Variants in DMD observed in about 807,000 individuals in gnomAD.
The protein encoded by DMD is dystrophin.
In DMD, 63 loss-of-function variants were observed where a neutral mutation model predicts 330.1. That is an observed-to-expected ratio of 0.19 (90% CI 0.16 to 0.24). DMD has a LOEUF of 0.24. DMD is among the 10% of genes least tolerant of loss of function. DMD has a pLI of 1.00. For missense variants in DMD, 3,344 were observed against 2,684.1 expected (o/e 1.25, Z -5.43); for synonymous variants, 1,223 against 959.8 (o/e 1.27, Z -5.07).
intron 44 of DMD, among the ~76,000 whole-genome samples, chrX:32,010,047 T>C (rs28361493): frequency 1.3e-3 from 145 of 111,882 alleles, no homozygotes; most frequent in African/African-American, 4.3e-3. Flanking sequence ...ATGGGCATAA[T>C]AATGTTTGTC....
chrX:32,186,589 A>G (rs2096948820), intron 44 of DMD, among the ~76,000 whole-genome samples: 1 of 111,566 alleles, frequency 9.0e-6, no homozygotes, highest in South Asian at 3.6e-4. Context: ...CTAGTTTTCC[A>G]TTTGATTTGA....
At chrX:32,344,925 A>T (rs953069402) in intron 39 of DMD, among the ~76,000 whole-genome samples, 1 of 111,322 alleles carries the variant, frequency 9.0e-6, no homozygotes, top group African/African-American at 3.3e-5. Context: ...TGTTTACTAT[A>T]TTTATCAGCA....
At chrX:31,449,795 T>TATATATATAG (rs1556643941) in intron 59 of DMD, among the ~76,000 whole-genome samples, 30 of 81,265 alleles carry the variant, frequency 3.7e-4, no homozygotes, top group Admixed American at 6.0e-4. Context: ...TATATATATA[T>TATATATATAG]ATAGATAGAT....
chrX:32,728,247 A>G (rs1429733170), intron 7 of DMD, among the ~76,000 whole-genome samples: 1 of 111,878 alleles, frequency 8.9e-6, no homozygotes, highest in African/African-American at 3.2e-5. Context: ...GAAGCTTGCC[A>G]GACACTCCAG....
Position 31,157,313 on chromosome X carries a change from T to C in DMD, c.10554-9795A>G, listed in dbSNP as rs140528625. On this transcript the variant is annotated intron_variant, in intron 74 of 78. Coordinates refer to ENST00000357033, the MANE Select transcript of DMD (RefSeq NM_004006.3). Reference sequence around the variant, plus strand: ...AAATTCCTGATCAGATGCTAATTCATTACTGTCTATAGACTAAATGTATTA... The same window carrying C: ...AAATTCCTGATCAGATGCTAATTCACTACTGTCTATAGACTAAATGTATTA... Among the ~76,000 whole-genome samples the C allele has an allele frequency of 6.2e-5, 7 of 112,127 alleles. No homozygotes were observed. The East Asian group carries it at 1.9e-3, about 31-fold the overall frequency.
chrX:32,365,797 T>G (rs769198688), intron 34 of DMD, among the ~76,000 whole-genome samples: 11 of 112,218 alleles, frequency 9.8e-5, no homozygotes, highest in African/African-American at 3.5e-4. Context: ...ATTAACAAGA[T>G]CTAGCATCAG....
chrX:31,827,991 T>C (rs2092927669), intron 49 of DMD, among the ~76,000 whole-genome samples: 1 of 111,835 alleles, frequency 8.9e-6, no homozygotes. Flanking sequence ...CAACCTAATG[T>C]CACATTTCAA....
intron 61 of DMD, among the ~76,000 whole-genome samples, chrX:31,328,230 T>A (rs2056900689): frequency 1.8e-5 from 2 of 112,086 alleles, no homozygotes; most frequent in Admixed American, 9.5e-5. Context: ...GTTACTTTTT[T>A]AAAGCAAAAT....
At chrX:33,193,164 G>A (rs2050752306) in intron 1 of DMD, among the ~76,000 whole-genome samples, 1 of 111,018 alleles carries the variant, frequency 9.0e-6, no homozygotes, top group Admixed American at 9.6e-5. Context: ...AAAATTAGGC[G>A]GGCATGGTGG....
chrX:31,356,710 G>T (rs1267430489), intron 60 of DMD, among the ~76,000 whole-genome samples: 1 of 112,020 alleles, frequency 8.9e-6, no homozygotes, highest in African/African-American at 3.2e-5. Flanking sequence ...TTATGCAACT[G>T]CCTCATTCTG....
chrX:33,224,986 T>C (rs1471023686), intron 1 of DMD, among the ~76,000 whole-genome samples: 3 of 111,443 alleles, frequency 2.7e-5, no homozygotes, highest in African/African-American at 9.8e-5. Context: ...AAATTAAATA[T>C]AAATCTAACA....
intron 7 of DMD, among the ~76,000 whole-genome samples, chrX:32,800,717 C>G (rs1408946281): frequency 1.8e-5 from 2 of 110,283 alleles, no homozygotes; most frequent in African/African-American, 6.6e-5. Context: ...CCACACACCC[C>G]AAAAGGCCCC....
At chrX:32,536,917 G>A (rs936418103) in intron 17 of DMD, among the ~76,000 whole-genome samples, 1 of 112,003 alleles carries the variant, frequency 8.9e-6, no homozygotes, top group African/African-American at 3.2e-5. Context: ...GCTGTAAAAA[G>A]CATGGATAAG....
chrX:32,950,187 T>TAGC lies in DMD; in HGVS notation c.93+69949_93+69951dup, dbSNP rs761663917. ...AACAAATATGTAGTAGTAGTAGTAG[T>TAGC]AGCAGCAGCAGCAGTAGTAACAGCA... On this transcript the variant is annotated intron_variant, in intron 2 of 78. Coordinates refer to ENST00000357033, the MANE Select transcript of DMD (RefSeq NM_004006.3). Among the ~76,000 whole-genome samples the TAGC allele has an allele frequency of 1.3e-4, 14 of 110,885 alleles. No homozygotes were observed. In the East Asian group the frequency reaches 2.8e-3, roughly 23 times the overall value.
intron 55 of DMD, among the ~76,000 whole-genome samples, chrX:31,574,146 G>GTTT (rs749028855): frequency 1.2e-4 from 9 of 75,966 alleles, no homozygotes; most frequent in Non-Finnish European, 1.6e-4. Flanking sequence ...TTTTTTTTTT[G>GTTT]TTTTTTTTTT....
chrX:32,064,911 G>A (rs746875836), intron 44 of DMD, among the ~76,000 whole-genome samples: 1 of 111,075 alleles, frequency 9.0e-6, no homozygotes. Flanking sequence ...GCATGCTATC[G>A]ATGCTTCAGC....
chrX:31,652,969 AG>A (rs1359236299), intron 54 of DMD, among the ~76,000 whole-genome samples: 1 of 111,662 alleles, frequency 9.0e-6, no homozygotes, highest in Non-Finnish European at 1.9e-5. Context: ...GGCCTGCTAA[AG>A]GGGAGGAGCA....
intron 44 of DMD, among the ~76,000 whole-genome samples, chrX:31,995,027 C>T (rs1371116852): frequency 8.9e-6 from 1 of 111,970 alleles, no homozygotes; most frequent in Non-Finnish European, 1.9e-5. Context: ...TTTGAGCCAT[C>T]TGGGCAATAC....
At chrX:32,458,170 T>G in intron 25 of DMD, among the ~76,000 whole-genome samples, 1 of 110,961 alleles carries the variant, frequency 9.0e-6, no homozygotes, top group Admixed American at 9.7e-5. Context: ...ATGATGTGGA[T>G]AGACTTAAAC....
Sources: allele counts gnomAD v4.1 joint callset (sites outside exome capture counted in the v4.1 genomes callset), GRCh38; gene constraint gnomAD v4.1.1; transcripts MANE v1.5; gene names NCBI Gene and HGNC (gene_info 2026-07-23, HGNC 2026-07-21).